Variants in KRT19 observed in about 807,000 individuals in gnomAD.
KRT19 encodes the protein keratin 19, also known as keratin, type I cytoskeletal 19.
In KRT19, 21 loss-of-function variants were observed where a neutral mutation model predicts 34.6. The observed-to-expected ratio is 0.61, with a 90% CI of 0.43 to 0.87. The LOEUF (loss-of-function observed/expected upper bound fraction) is 0.87, where lower values mean the gene tolerates loss of function less well. Ranked by LOEUF, KRT19 falls within the 40% of genes least tolerant of loss-of-function variation. KRT19 has a pLI of 0.00. For missense variants in KRT19, 514 were observed against 545.7 expected, an observed-to-expected ratio of 0.94 and a Z score of 0.58; for synonymous variants, 240 against 245.8, an observed-to-expected ratio of 0.98 and a Z score of 0.22.
At position 41,527,940 on chromosome 17, in the gene KRT19, G is replaced by T. The variant is rs533516685; in HGVS notation, c.308C>A (p.Ala103Glu). The T allele has an allele frequency of 1.2e-6, 2 of 1,613,728 alleles. No individual in the cohort carries two copies. The highest frequency in any genetic ancestry group is 3.3e-5 in the Admixed American group (2 of 60,030). Reference protein sequence around the residue: ...SYLDKVRALEAANGELEVKIR... With the variant: ...SYLDKVRALEEANGELEVKIR... ...CTTCACCTCTAGCTCGCCGTTGGCCGCCTCCAGGGCGCGCACCTTGTCCAG... is the reference window on the plus strand; with the variant it reads ...CTTCACCTCTAGCTCGCCGTTGGCCTCCTCCAGGGCGCGCACCTTGTCCAG... Residue 103 changes from alanine (A) to glutamate (E), a missense_variant, in exon 1 of 6, where the codon GCG becomes GAG. Coordinates refer to ENST00000361566, the MANE Select transcript of KRT19 (RefSeq NM_002276.5).
At chr17:41,525,620 C>T (rs1210540508) in intron 1 of KRT19, 2 of 265,906 alleles carry the variant, frequency 7.5e-6, no homozygotes, top group Admixed American at 4.9e-5. Context: ...TATACCTGCC[C>T]CCCCCACTAT....
Position 41,528,062 on chromosome 17 carries a change from G to A in KRT19, c.186C>T (p.Gly62=), listed in dbSNP as rs758517038. The A allele has an allele frequency of 6.8e-5, 109 of 1,609,770 alleles. No individual in the cohort carries two copies. The highest frequency in any genetic ancestry group is 8.7e-5 in the Non-Finnish European group (103 of 1,177,604). The change falls in exon 1 of 6, where the codon GGC becomes GGT. Residue 62 remains glycine (G), a synonymous_variant. Coordinates refer to ENST00000361566, the MANE Select transcript of KRT19 (RefSeq NM_002276.5). The part of the protein sequence containing the change: ...FVSSSSSGAY[G]GGYGGVLTAS... Reference sequence around the variant, plus strand: ...CGGTCAGGACGCCGCCGTAGCCGCCGCCGTAGGCCCCCGAGGAGGACGAGG... The same window carrying A: ...CGGTCAGGACGCCGCCGTAGCCGCCACCGTAGGCCCCCGAGGAGGACGAGG...
At chr17:41,526,511 T>C (rs564119845) in intron 1 of KRT19, among the ~76,000 whole-genome samples, 1 of 149,064 alleles carries the variant, frequency 6.7e-6, no homozygotes, top group African/African-American at 2.5e-5. Flanking sequence ...GCAGTGGCAC[T>C]GATCACGTAC....
At position 41,528,202 on chromosome 17, in the gene KRT19, C is replaced by G; in HGVS notation, c.46G>C (p.Gly16Arg). The G allele has an allele frequency of 1.3e-6, 2 of 1,584,640 alleles. No individual in the cohort carries two copies. Among genetic ancestry groups the G allele is most frequent in the Non-Finnish European group, 1.7e-6 (2 of 1,173,188 alleles). The change falls in exon 1 of 6, where the codon GGA becomes CGA. Residue 16 changes from glycine (G) to arginine (R), a missense_variant. Transcript: ENST00000361566. Reference sequence around the variant, plus strand: ...CGCACGGAGCCGCCGCCCAGGCCTCCGAAGGACGACGTGGCCGACGACTGG... The same window carrying G: ...CGCACGGAGCCGCCGCCCAGGCCTCGGAAGGACGACGTGGCCGACGACTGG... ...YRQSSATSSF[G>R]GLGGGSVRFG...
chr17:41,528,086 G>A lies in KRT19; in HGVS notation c.162C>T (p.Ser54=). 6.2e-7 allele frequency: 1 copy of A among 1,610,302 alleles called. No individual in the cohort carries two copies. Among genetic ancestry groups the A allele is most frequent in the Non-Finnish European group, 8.5e-7 (1 of 1,178,294 alleles). Residue 54 remains serine (S), a synonymous_variant, in exon 1 of 6, where the codon TCC becomes TCT. Transcript: ENST00000361566. ...CGCCGTAGGCCCCCGAGGAGGACGA[G>A]GACACAAAGCGGGCGGAGGACACGG... ...GVSVSSARFV[S]SSSSGAYGGG...
chr17:41,527,069 G>A lies in KRT19; in HGVS notation c.420+759C>T, dbSNP rs1367414896. On this transcript the variant is annotated intron_variant, in intron 1 of 5. Transcript: ENST00000361566. ...CATGGCTTCTGATACATTTCTTTAC[G>A]ACTCGAAAAATTTCTCCTTCCCTCT... Among the ~76,000 whole-genome samples, 4 of 151,990 alleles carry A rather than the reference G, an allele frequency of 2.6e-5. No individual in the cohort carries two copies. The South Asian group carries it at 6.2e-4, about 24-fold the overall frequency.
Position 41,528,069 on chromosome 17 carries a change from GC to G in KRT19, c.178del (p.Ala60ProfsTer10). On this transcript the variant is annotated frameshift_variant, in exon 1 of 6. Transcript: ENST00000361566. LOFTEE classifies it high-confidence loss of function. ...GACGCCGCCGTAGCCGCCGCCGTAGGCCCCCGAGGAGGACGAGGACACAAAG... is the reference window on the plus strand; with the variant it reads ...GACGCCGCCGTAGCCGCCGCCGTAGGCCCCGAGGAGGACGAGGACACAAAG... ...ARFVSSSSSGAYGGGYGGVLT... is the reference protein window; with the variant it reads ...ARFVSSSSSGXYGGGYGGVLT... 1 of 1,611,828 alleles carries G rather than the reference GC, an allele frequency of 6.2e-7. No individual in the cohort carries two copies. The highest frequency in any genetic ancestry group is 8.5e-7 in the Non-Finnish European group (1 of 1,179,478).
Position 41,527,941 on chromosome 17 carries a change from C to A in KRT19, c.307G>T (p.Ala103Ser). 6.2e-7 allele frequency: 1 copy of A among 1,613,756 alleles called. No homozygotes were observed. Among genetic ancestry groups the A allele is most frequent in the Non-Finnish European group, 8.5e-7 (1 of 1,179,908 alleles). Residue 103 changes from alanine (A) to serine (S), a missense_variant, in exon 1 of 6, where the codon GCG (alanine) becomes TCG (serine). Physicochemically the swap from Ala to Ser is moderately conservative, Grantham distance 99 (BLOSUM62 1). Coordinates refer to ENST00000361566, the MANE Select transcript of KRT19 (RefSeq NM_002276.5). ...SYLDKVRALE[A>S]ANGELEVKIR... ...TTCACCTCTAGCTCGCCGTTGGCCGCCTCCAGGGCGCGCACCTTGTCCAGG... is the reference window on the plus strand; with the variant it reads ...TTCACCTCTAGCTCGCCGTTGGCCGACTCCAGGGCGCGCACCTTGTCCAGG...
intron 2 of KRT19, 32 bp downstream of exon 2, chr17:41,525,159 G>T: frequency 6.3e-7 from 1 of 1,593,860 alleles, no homozygotes; most frequent in Non-Finnish European, 8.6e-7. Context: ...CCCAGTCCTG[G>T]CTTCTGCAGC....
chr17:41,528,258 A>G lies in KRT19; in HGVS notation c.-11T>C. ...GCTGTAGGAAGTCATGGCGAGGCGG[A>G]GCACGGACGGAGCAACCCTGGTCTC... On this transcript the variant is annotated 5_prime_UTR_variant, in exon 1 of 6. Coordinates refer to ENST00000361566, the MANE Select transcript of KRT19 (RefSeq NM_002276.5). The G allele has an allele frequency of 6.5e-7, 1 of 1,543,370 alleles. No individual in the cohort carries two copies. The highest frequency in any genetic ancestry group is 2.3e-5 in the East Asian group (1 of 44,212).
In KRT19 at chr17:41,528,005, C is replaced by T; in HGVS notation, c.243G>A (p.Lys81=). 6.2e-7 allele frequency: 1 copy of T among 1,613,342 alleles called. No individual in the cohort carries two copies. The highest frequency in any genetic ancestry group is 8.5e-7 in the Non-Finnish European group (1 of 1,179,802). Reference sequence around the variant, plus strand: ...GGTCGTTGAGGTTCTGCATGGTTAGCTTCTCGTTGCCCGCCAGCAGCCCGT... The same window carrying T: ...GGTCGTTGAGGTTCTGCATGGTTAGTTTCTCGTTGCCCGCCAGCAGCCCGT... ...ASDGLLAGNE[K]LTMQNLNDRL... Residue 81 remains lysine, a synonymous_variant, in exon 1 of 6, where the codon AAG becomes AAA. Transcript: ENST00000361566.
Position 41,523,885 on chromosome 17 carries a change from G to A in KRT19, c.1061C>T (p.Ala354Val), listed in dbSNP as rs753018722. 5.6e-5 allele frequency: 91 copies of A among 1,613,986 alleles called. No individual in the cohort carries two copies. Among genetic ancestry groups the A allele is most frequent in the Non-Finnish European group, 7.5e-5 (89 of 1,180,058 alleles). The change falls in exon 6 of 6, where the codon GCT becomes GTT. Residue 354 changes from alanine (A) to valine (V), a missense_variant. Ala to Val is a moderately conservative substitution (Grantham distance 64). Transcript: ENST00000361566. ...CTCCTGATTCTGCCGCTCACTATCA[G>A]CTCGCACATCGCCCAGCTGGGCTTC... is the stretch of plus-strand genomic sequence containing the variant. ...GIEAQLGDVR[A>V]DSERQNQEYQ...
At position 41,523,805 on chromosome 17, in the gene KRT19, G is replaced by C; in HGVS notation, c.1141C>G (p.Arg381Gly). The change falls in exon 6 of 6, where the codon CGC (arginine) becomes GGC (glycine). Residue 381 changes from arginine to glycine, a missense_variant. Physicochemically the swap from Arg to Gly is moderately radical, Grantham distance 125. Transcript: ENST00000361566. ...TCTTCCTGTCCCTCGAGCAGGCTGC[G>C]GTAGGTGGCAATCTCCTGCTCCAGC... is the stretch of plus-strand genomic sequence containing the variant. ...SRLEQEIATY[R>G]SLLEGQEDHY... The C allele has an allele frequency of 3.1e-6, 5 of 1,613,882 alleles. No homozygotes were observed. Among genetic ancestry groups the C allele is most frequent in the Non-Finnish European group, 4.2e-6 (5 of 1,179,956 alleles).
intron 1 of KRT19, among the ~76,000 whole-genome samples, chr17:41,526,601 T>C (rs764423180): frequency 1.6e-5 from 2 of 121,350 alleles, no homozygotes; most frequent in Non-Finnish European, 3.3e-5. Context: ...AGACGGACTC[T>C]CGCTCTGTGG....
chr17:41,526,887 T>G (rs1391031199), intron 1 of KRT19, among the ~76,000 whole-genome samples: 1 of 152,194 alleles, frequency 6.6e-6, no homozygotes, highest in Non-Finnish European at 1.5e-5. Flanking sequence ...TAGGTCACAA[T>G]TTTACAAGTG....
intron 1 of KRT19, among the ~76,000 whole-genome samples, chr17:41,526,770 CCAT>C (rs1182895793): frequency 6.6e-6 from 1 of 152,026 alleles, no homozygotes; most frequent in Non-Finnish European, 1.5e-5. Flanking sequence ...CAGGATTTTA[CCAT>C]GTTTGCCAGG....
At chr17:41,526,449 A>ATT (rs35664318) in intron 1 of KRT19, among the ~76,000 whole-genome samples, 2 of 146,422 alleles carry the variant, frequency 1.4e-5, no homozygotes, top group South Asian at 2.2e-4. Context: ...TATTGTCGCA[A>ATT]TTTTTTTTTT....
chr17:41,527,748 G>A (rs1471995270), intron 1 of KRT19, 80 bp downstream of exon 1: 40 of 1,464,900 alleles, frequency 2.7e-5, no homozygotes, highest in Non-Finnish European at 3.5e-5. Context: ...CCGCCGCCCC[G>A]CCTGGAACCT....
intron 1 of KRT19, 82 bp downstream of exon 1, chr17:41,527,746 C>T (rs1905917537): frequency 6.8e-7 from 1 of 1,461,858 alleles, no homozygotes; most frequent in Non-Finnish European, 9.1e-7. Context: ...GCCCGCCGCC[C>T]CGCCTGGAAC....
Sources: gnomAD v4.1 joint callset for allele counts (sites outside exome capture counted in the v4.1 genomes callset) on GRCh38, gnomAD v4.1.1 for gene constraint, MANE v1.5 for transcripts, NCBI Gene and HGNC (gene_info 2026-07-23, HGNC 2026-07-21) for gene names.